AK7: variants seen among roughly 807,000 people sequenced by gnomAD.
AK7 encodes the protein ATP-AMP transphosphorylase 7.
Under a neutral mutation model 96.6 loss-of-function variants are expected in AK7, and 78 were observed. That is an observed-to-expected ratio of 0.81 (90% CI 0.67 to 0.97). The LOEUF is 0.97. Ranked by LOEUF, AK7 falls within the 50% of genes least tolerant of loss-of-function variation. The probability of loss-of-function intolerance (pLI) is 0.00; values close to 1 mark genes in which losing one functional copy is unlikely to be tolerated. For missense variants in AK7, 855 were observed against 887.9 expected (o/e 0.96, Z 0.47); for synonymous variants, 302 against 317.2 (o/e 0.95, Z 0.51).
chr14:96,461,994 G>T (rs1224744923), intron 12 of AK7, among the ~76,000 whole-genome samples: 1 of 152,190 alleles, frequency 6.6e-6, no homozygotes, highest in Non-Finnish European at 1.5e-5. Context: ...TTTCACGCTT[G>T]GGGAGGTGAC....
chr14:96,480,896 G>T (rs1876471117), intron 15 of AK7, among the ~76,000 whole-genome samples: 1 of 152,182 alleles, frequency 6.6e-6, no homozygotes, highest in African/African-American at 2.4e-5. Context: ...CACAGCCAGG[G>T]ATGCAGCCCG....
At chr14:96,401,284 C>A (rs1158489732) in intron 2 of AK7, among the ~76,000 whole-genome samples, 1 of 152,176 alleles carries the variant, frequency 6.6e-6, no homozygotes, top group Non-Finnish European at 1.5e-5. Context: ...CTAAGGAATT[C>A]TCAGTCTTAT....
chr14:96,464,544 C>CAAA (rs375649324), intron 12 of AK7, among the ~76,000 whole-genome samples: 2,082 of 56,098 alleles, frequency 0.037, 46 homozygotes, highest in East Asian at 0.18. Flanking sequence ...GACCCTGTCC[C>CAAA]AAAAAAAAAA....
At chr14:96,456,310 G>A (rs767219990) in intron 10 of AK7, 37 bp from the exon 11 acceptor site, 2 of 1,562,392 alleles carry the variant, frequency 1.3e-6, no homozygotes, top group African/African-American at 2.8e-5. Flanking sequence ...AGATCATTCA[G>A]AGCTTGCTGT....
intron 4 of AK7, among the ~76,000 whole-genome samples, chr14:96,411,829 C>G (rs1891047022): frequency 6.6e-6 from 1 of 152,180 alleles, no homozygotes. Flanking sequence ...CTTTTGCTTG[C>G]AAGCAACAGA....
intron 14 of AK7, among the ~76,000 whole-genome samples, chr14:96,477,168 G>A (rs753664509): frequency 3.3e-5 from 5 of 152,164 alleles, no homozygotes; most frequent in African/African-American, 4.8e-5. Context: ...GCAGAATGGA[G>A]GTAGTATCAA....
intron 2 of AK7, among the ~76,000 whole-genome samples, chr14:96,402,286 G>A (rs1890461028): frequency 6.6e-6 from 1 of 151,922 alleles, no homozygotes; most frequent in Non-Finnish European, 1.5e-5. Flanking sequence ...CAAAAGCAGG[G>A]CCCACAAATG....
At chr14:96,459,229 T>A (rs1894119205) in intron 12 of AK7, among the ~76,000 whole-genome samples, 1 of 151,774 alleles carries the variant, frequency 6.6e-6, no homozygotes, top group South Asian at 2.1e-4. Flanking sequence ...TCCCAGCTAC[T>A]CGGGAAGGTG....
intron 10 of AK7, 129 bp from the exon 11 acceptor site, chr14:96,456,218 C>T (rs1052375929): frequency 2.0e-6 from 2 of 1,012,386 alleles, no homozygotes; most frequent in Middle Eastern, 2.5e-4. Flanking sequence ...GCCCGAGCAA[C>T]AGAGTGAGAG....
At chr14:96,421,848 G>T (rs139836317) in intron 5 of AK7, among the ~76,000 whole-genome samples, 1 of 152,038 alleles carries the variant, frequency 6.6e-6, no homozygotes, top group African/African-American at 2.4e-5. Context: ...CTCGTGATCC[G>T]CCCGCCTGGA....
At chr14:96,466,069 A>G (rs1894550798) in intron 12 of AK7, among the ~76,000 whole-genome samples, 1 of 151,312 alleles carries the variant, frequency 6.6e-6, no homozygotes, top group Non-Finnish European at 1.5e-5. Flanking sequence ...AATTGGAGGA[A>G]GTTTTTTTGG....
intron 1 of AK7, among the ~76,000 whole-genome samples, chr14:96,396,967 C>G (rs1412991925): frequency 6.6e-6 from 1 of 152,290 alleles, no homozygotes; most frequent in East Asian, 1.9e-4. Context: ...CGTGGTGGCA[C>G]ACACCTATAG....
At chr14:96,400,030 C>CTTTTTTT (rs34001068) in intron 2 of AK7, among the ~76,000 whole-genome samples, 3 of 86,346 alleles carry the variant, frequency 3.5e-5, no homozygotes, top group African/African-American at 4.8e-5. Context: ...CAAAAACAAT[C>CTTTTTTT]TTTTTTTTTT....
At chr14:96,479,782 G>A (rs61476351) in intron 15 of AK7, among the ~76,000 whole-genome samples, 6,431 of 152,214 alleles carry the variant, frequency 0.042, 151 homozygotes, top group South Asian at 0.064. Context: ...CCTCCTATGG[G>A]CTTGGTGAGA....
At chr14:96,423,645 A>G in intron 5 of AK7, 2 of 608,664 alleles carry the variant, frequency 3.3e-6, no homozygotes, top group Non-Finnish European at 6.2e-6. Flanking sequence ...ACTGAACTGG[A>G]GAACACAGCT....
In AK7 at chr14:96,458,088, G is replaced by A. The variant is rs764939853; in HGVS notation, c.1233G>A (p.Ala411=). The A allele has an allele frequency of 4.8e-5, 78 of 1,612,874 alleles. No individual in the cohort carries two copies. Among genetic ancestry groups the A allele is most frequent in the East Asian group, 8.9e-5 (4 of 44,846 alleles). The change falls in exon 12 of 18, where the codon GCG becomes GCA. Residue 411 remains alanine (A), a synonymous_variant. Coordinates refer to ENST00000267584, the MANE Select transcript of AK7 (RefSeq NM_152327.5). The stretch of plus-strand genomic sequence containing the variant: ...AATATCCCTGTGGTATGCAGGAGGC[G>A]ATTGTTGCCCCTAACGATGTAGGGG... The part of the protein sequence containing the change: ...VISEAIAKLE[A]IVAPNDVGEG...
At chr14:96,482,423 A>C (rs1403190049) in intron 15 of AK7, among the ~76,000 whole-genome samples, 1 of 151,796 alleles carries the variant, frequency 6.6e-6, no homozygotes, top group Non-Finnish European at 1.5e-5. Context: ...AGAATTTACC[A>C]CCTCAGTGAC....
At chr14:96,464,489 C>G (rs1894445834) in intron 12 of AK7, among the ~76,000 whole-genome samples, 1 of 122,386 alleles carries the variant, frequency 8.2e-6, no homozygotes, top group Admixed American at 1.1e-4. Context: ...TCCGGGAGGT[C>G]AAGGCTGTGG....
chr14:96,433,729 C>T (rs956962939), intron 5 of AK7, among the ~76,000 whole-genome samples: 1 of 152,268 alleles, frequency 6.6e-6, no homozygotes, highest in Middle Eastern at 3.4e-3. Flanking sequence ...CAAGGAGCTG[C>T]GATCCTTTGG....
Sources: allele counts gnomAD v4.1 joint callset (sites outside exome capture counted in the v4.1 genomes callset), GRCh38; gene constraint gnomAD v4.1.1; transcripts MANE v1.5; gene names NCBI Gene and HGNC (gene_info 2026-07-23, HGNC 2026-07-21).